ZNF600: variants seen among roughly 807,000 people sequenced by gnomAD.
ZNF600 encodes zinc finger protein 600.
A neutral mutation model predicts 7.3 loss-of-function variants in ZNF600; 4 were observed. The observed-to-expected ratio is 0.55, with a 90% CI of 0.27 to 1.25. The LOEUF is 1.25. Among genes scored for constraint, ZNF600 ranks in the 50% most tolerant of loss-of-function variants. The pLI is 0.12. For synonymous variants in ZNF600, 290 were observed against 308.9 expected (o/e 0.94, Z 0.64); for missense variants, 911 against 922.1 (o/e 0.99, Z 0.16).
the ZNF600 span, chr19:52,798,812 G>A: frequency 1.2e-6 from 1 of 843,350 alleles, no homozygotes. Context: ...TGCAATGGTT[G>A]TAGCATTACT....
At chr19:52,777,810 C>G (rs1313894482) in intron 2 of ZNF600, among the ~76,000 whole-genome samples, 1 of 152,070 alleles carries the variant, frequency 6.6e-6, no homozygotes. Flanking sequence ...CCTTTGGGGA[C>G]TGAGCGAGAC....
the ZNF600 span, among the ~76,000 whole-genome samples, chr19:52,821,920 A>T: frequency 9.1e-6 from 1 of 110,486 alleles, no homozygotes; most frequent in African/African-American, 3.4e-5. Context: ...AAATAAAAAA[A>T]TAAAAAAATA....
exon 4 of ZNF600, chr19:52,766,159 T>C: frequency 3.7e-6 from 6 of 1,614,148 alleles, no homozygotes; most frequent in Non-Finnish European, 5.1e-6. Context: ...CTGAAGGTCT[T>C]GCTGCACTCA....
chr19:52,773,948 C>T lies in ZNF600; in HGVS notation c.190+627G>A, dbSNP rs372536816. Among the ~76,000 whole-genome samples, 10 of 151,658 alleles carry T rather than the reference C, an allele frequency of 6.6e-5. No homozygotes were observed. In the East Asian group the frequency reaches 9.9e-4, roughly 15 times the overall value. ...GGCCAGGCTGGTCTTGAACTCCTGACCTCAGGTGATTCACCCACCTCAGCC... is the reference window on the plus strand; with the variant it reads ...GGCCAGGCTGGTCTTGAACTCCTGATCTCAGGTGATTCACCCACCTCAGCC... On this transcript the variant is annotated intron_variant, in intron 3 of 3. Transcript: ENST00000648973.
At chr19:52,765,123 C>G in exon 4 of ZNF600, 1 of 402,040 alleles carries the variant, frequency 2.5e-6, no homozygotes, top group Non-Finnish European at 5.0e-6. Context: ...GCTGGACTGA[C>G]TCTAGTGTCA....
At chr19:52,766,439 C>T (rs1413077169) in exon 4 of ZNF600, 5 of 1,613,952 alleles carry the variant, frequency 3.1e-6, no homozygotes, top group Non-Finnish European at 4.2e-6. Context: ...TGTAAGGTTG[C>T]TCTCCAGTAT....
the ZNF600 span, among the ~76,000 whole-genome samples, chr19:52,829,771 C>G: frequency 6.6e-6 from 1 of 152,044 alleles, no homozygotes; most frequent in East Asian, 1.9e-4. Flanking sequence ...CTCAGCCTCC[C>G]AAAGTGCTGG....
chr19:52,810,890 C>A, the ZNF600 span, among the ~76,000 whole-genome samples: 1 of 15,162 alleles, frequency 6.6e-5, no homozygotes, highest in Admixed American at 5.4e-4. Flanking sequence ...CCTCCCCCTC[C>A]CCCTCCCCCT....
At chr19:52,778,698 A>G in intron 2 of ZNF600, 128 bp downstream of exon 4, 1 of 1,276,568 alleles carries the variant, frequency 7.8e-7, no homozygotes, top group Non-Finnish European at 1.1e-6. Flanking sequence ...AACTAAGGGC[A>G]GGCATGGCTG....
exon 2 of ZNF600, chr19:52,778,887 A>G: frequency 6.2e-7 from 1 of 1,604,182 alleles, no homozygotes; most frequent in Non-Finnish European, 8.5e-7. Flanking sequence ...TTCACATAAC[A>G]TGAGTCTTTA....
the ZNF600 span, chr19:52,808,093 T>G: frequency 6.2e-7 from 1 of 1,613,468 alleles, no homozygotes; most frequent in Non-Finnish European, 8.5e-7. Flanking sequence ...CCACTCCTCC[T>G]GAGAGAATTC....
chr19:52,794,250 GGGT>G, the ZNF600 span, among the ~76,000 whole-genome samples: 2 of 152,098 alleles, frequency 1.3e-5, no homozygotes, highest in Admixed American at 1.3e-4. Context: ...CGGTATTTGT[GGGT>G]TTTTTTACAT....
intron 3 of ZNF600, among the ~76,000 whole-genome samples, chr19:52,772,997 G>A (rs1284105457): frequency 1.3e-5 from 2 of 152,288 alleles, no homozygotes; most frequent in East Asian, 1.9e-4. Flanking sequence ...TTGTCCAGTG[G>A]ATGAACAAGG....
chr19:52,765,811 G>T (rs139435821), exon 4 of ZNF600: 42 of 1,613,640 alleles, frequency 2.6e-5, no homozygotes, highest in Middle Eastern at 1.6e-4. Flanking sequence ...TGTGATTTGC[G>T]ACTGAAAACT....
chr19:52,822,627 C>CCT, the ZNF600 span, among the ~76,000 whole-genome samples: 1 of 152,160 alleles, frequency 6.6e-6, no homozygotes, highest in African/African-American at 2.4e-5. Context: ...ACTAATCAGT[C>CCT]CTCAGGGAAG....
At chr19:52,823,237 G>A in the ZNF600 span, among the ~76,000 whole-genome samples, 8 of 152,052 alleles carry the variant, frequency 5.3e-5, no homozygotes, top group Non-Finnish European at 7.4e-5. Context: ...TTTTTGGTAC[G>A]GAGTCTTGCT....
chr19:52,828,391 C>T, the ZNF600 span, among the ~76,000 whole-genome samples: 4 of 151,980 alleles, frequency 2.6e-5, no homozygotes, highest in South Asian at 2.1e-4. Context: ...CATTTGAACC[C>T]GGGAGGCAGA....
Position 52,767,860 on chromosome 19 carries a change from C to T in ZNF600, c.191-88G>A, listed in dbSNP as rs2062601751. On this transcript the variant is annotated intron_variant, in intron 3 of 3. Transcript: ENST00000648973. ...TGTAAATATGACACAAAAAACAATACTTATTTTGAACTTCCCAAATATCAT... is the reference window on the plus strand; with the variant it reads ...TGTAAATATGACACAAAAAACAATATTTATTTTGAACTTCCCAAATATCAT... 2.8e-6 allele frequency: 4 copies of T among 1,450,576 alleles called. No individual in the cohort carries two copies. The East Asian group carries it at 7.2e-5, about 26-fold the overall frequency. The allele number at this position is 1,450,576 out of a possible 1,614,324, so 89.9% of individuals were successfully genotyped here.
the ZNF600 span, among the ~76,000 whole-genome samples, chr19:52,820,767 T>C: frequency 6.6e-6 from 1 of 152,302 alleles, no homozygotes; most frequent in Middle Eastern, 3.4e-3. Context: ...CAGTTGCTTT[T>C]CTCCTCCTGC....
Sources: gnomAD v4.1 joint callset for allele counts (sites outside exome capture counted in the v4.1 genomes callset) on GRCh38, gnomAD v4.1.1 for gene constraint, MANE v1.5 for transcripts, NCBI Gene and HGNC (gene_info 2026-07-23, HGNC 2026-07-21) for gene names.